The following ANKRD34C variants were observed in gnomAD, a reference collection of about 807,000 sequenced individuals.
The protein encoded by ANKRD34C is ankyrin repeat domain-containing protein 34C.
For synonymous variants in ANKRD34C, 260 were observed against 253.6 expected (o/e 1.03, Z -0.24); for missense variants, 563 against 653.0 (o/e 0.86, Z 1.50).
rs553063888 is a variant in ANKRD34C at position 79,286,029 on chromosome 15, A to C, written c.-45+2801A>C. Reference sequence around the variant, plus strand: ...TAAAATAATCAAAGGACATCAGGACAATAATAGCAAACACTTGCATCTACT... The same window carrying C: ...TAAAATAATCAAAGGACATCAGGACCATAATAGCAAACACTTGCATCTACT... On this transcript the variant is annotated intron_variant, in intron 1 of 1. Transcript: ENST00000421388. 6.6e-5 allele frequency among the ~76,000 whole-genome samples: 10 copies of C among 152,356 alleles called. No homozygotes were observed. The South Asian group carries it at 1.4e-3, about 22-fold the overall frequency.
rs1596041515 is a variant in ANKRD34C, at chr15:79,296,250, C to A, written c.*1358C>A. 6.0e-6 allele frequency: 1 copy of A among 166,634 alleles called. No homozygotes were observed. The highest frequency in any genetic ancestry group is 1.5e-5 in the Non-Finnish European group (1 of 68,112). 10.3% of individuals were successfully genotyped at this position (166,634 alleles called of 1,614,324 possible). A position where few individuals can be genotyped will look rare whatever the true frequency, so the allele number is the denominator to read the frequency against. ...TACCAGCTGCGTGACCTTGAGGAGG[C>A]AGCTTAACTTCTCTTAGTCTCTGTT... On this transcript the variant is annotated 3_prime_UTR_variant, in exon 2 of 2. Coordinates refer to ENST00000421388, the MANE Select transcript of ANKRD34C (RefSeq NM_001146341.2).
rs1245018781 is a variant in ANKRD34C, at chr15:79,294,301, C to T, written c.1017C>T (p.Pro339=). The T allele has an allele frequency of 2.6e-6, 4 of 1,551,738 alleles. No homozygotes were observed. The South Asian group carries it at 3.6e-5, about 14-fold the overall frequency. ...CAGCCTATGAGAAAGGTCAGGCTCC[C>T]CACCCACGTCTGGCCAGGAGAGGAA... is the stretch of plus-strand genomic sequence containing the variant. ...WKAAYEKGQA[P]HPRLARRGTL... Residue 339 remains proline, a synonymous_variant, in exon 2 of 2, where the codon CCC becomes CCT. Coordinates refer to ENST00000421388, the MANE Select transcript of ANKRD34C (RefSeq NM_001146341.2).
chr15:79,287,476 G>A (rs1164817235), intron 1 of ANKRD34C, among the ~76,000 whole-genome samples: 1 of 152,154 alleles, frequency 6.6e-6, no homozygotes, highest in Admixed American at 6.5e-5. Context: ...AGCCATTCCT[G>A]AATTTTATAC....
chr15:79,297,188 C>A lies in ANKRD34C; in HGVS notation c.*2296C>A, dbSNP rs1043637759. The A allele has an allele frequency of 1.8e-5, 3 of 166,944 alleles. No individual in the cohort carries two copies. Among genetic ancestry groups the A allele is most frequent in the African/African-American group, 7.2e-5 (3 of 41,448 alleles). The allele number at this position is 166,944 out of a possible 1,614,324, so 10.3% of individuals were successfully genotyped here. On this transcript the variant is annotated 3_prime_UTR_variant, in exon 2 of 2. Coordinates refer to ENST00000421388, the MANE Select transcript of ANKRD34C (RefSeq NM_001146341.2). ...GTAGAAGTGATCCCAGGCAAAGAAA[C>A]AACTTTCCAATGCATTCAAGAGAGA...
chr15:79,291,854 T>C (rs2058660655), intron 1 of ANKRD34C, among the ~76,000 whole-genome samples: 1 of 152,152 alleles, frequency 6.6e-6, no homozygotes. Context: ...CCATGGTTAC[T>C]TCTGAAGAGG....
In ANKRD34C at chr15:79,294,095, G is replaced by A; in HGVS notation, c.811G>A (p.Glu271Lys). The change falls in exon 2 of 2, where the codon GAG (glutamate) becomes AAG (lysine). Residue 271 changes from glutamate to lysine, a missense_variant. Coordinates refer to ENST00000421388, the MANE Select transcript of ANKRD34C (RefSeq NM_001146341.2). ...GCTGGCAGCCTCGACGCGTCAGGAT[G>A]AGACCCATGGTGCCAGCACAGACAA... ...SVLAASTRQD[E>K]THGASTDNEV... 6.4e-7 allele frequency: 1 copy of A among 1,551,584 alleles called. No individual in the cohort carries two copies. Among genetic ancestry groups the A allele is most frequent in the Non-Finnish European group, 8.7e-7 (1 of 1,147,000 alleles).
intron 1 of ANKRD34C, among the ~76,000 whole-genome samples, chr15:79,285,443 C>T (rs1159880507): frequency 6.6e-6 from 1 of 152,132 alleles, no homozygotes; most frequent in Non-Finnish European, 1.5e-5. Flanking sequence ...GTGTTAGTTA[C>T]ATAATTTATA....
intron 1 of ANKRD34C, 77 bp from the exon 2 acceptor site, chr15:79,293,164 C>T (rs2058663822): frequency 8.9e-7 from 1 of 1,128,576 alleles, no homozygotes; most frequent in South Asian, 1.8e-5. Context: ...ATGACTGTAC[C>T]CAGACCCCGT....
intron 1 of ANKRD34C, among the ~76,000 whole-genome samples, chr15:79,284,571 G>C (rs1283350875): frequency 1.3e-5 from 2 of 152,168 alleles, no homozygotes; most frequent in Non-Finnish European, 2.9e-5. Context: ...AGAATTGGTG[G>C]TGAACACTTC....
intron 1 of ANKRD34C, among the ~76,000 whole-genome samples, chr15:79,288,117 G>C (rs2058649996): frequency 6.6e-6 from 1 of 152,214 alleles, no homozygotes; most frequent in Non-Finnish European, 1.5e-5. Flanking sequence ...TTTGGCTTCA[G>C]TTCCCTCATC....
Position 79,295,016 on chromosome 15 carries a change from G to T in ANKRD34C, c.*124G>T, listed in dbSNP as rs2058668985. The T allele has an allele frequency of 9.3e-7, 1 of 1,078,362 alleles. No individual in the cohort carries two copies. The highest frequency in any genetic ancestry group is 1.3e-6 in the Non-Finnish European group (1 of 770,068). The allele number at this position is 1,078,362 out of a possible 1,614,324, so 66.8% of individuals were successfully genotyped here. On this transcript the variant is annotated 3_prime_UTR_variant, in exon 2 of 2. Transcript: ENST00000421388. ...TCAGAAGATATAAAAGCAGGATGCT[G>T]CTTCACTTCTGAGAATAATCCCTGG...
intron 1 of ANKRD34C, among the ~76,000 whole-genome samples, chr15:79,286,989 T>C (rs2058647134): frequency 6.6e-6 from 1 of 152,216 alleles, no homozygotes; most frequent in East Asian, 1.9e-4. Flanking sequence ...TGTAATGACT[T>C]CCTCCTTTTG....
At position 79,293,667 on chromosome 15, in the gene ANKRD34C, A is replaced by G; in HGVS notation, c.383A>G (p.Asn128Ser). ...TGASALVYAI[N>S]ADDKDALKHL... ...GCTTCAGCTCTGGTTTATGCAATAA[A>G]TGCAGATGACAAGGATGCATTGAAG... The change falls in exon 2 of 2, where the codon AAT (asparagine) becomes AGT (serine). Residue 128 changes from asparagine (N) to serine (S), a missense_variant. Physicochemically the swap from Asn to Ser is conservative, Grantham distance 46. Coordinates refer to ENST00000421388, the MANE Select transcript of ANKRD34C (RefSeq NM_001146341.2). 1 of 1,551,708 alleles carries G rather than the reference A, an allele frequency of 6.4e-7. No individual in the cohort carries two copies. The highest frequency in any genetic ancestry group is 8.7e-7 in the Non-Finnish European group (1 of 1,146,990).
In ANKRD34C at chr15:79,290,302, G is replaced by A. The variant is rs908020344; in HGVS notation, c.-44-2939G>A. 3.3e-5 allele frequency among the ~76,000 whole-genome samples: 5 copies of A among 150,972 alleles called. No homozygotes were observed. In the Admixed American group the frequency reaches 3.3e-4, roughly 10 times the overall value. ...GGCTTCCCAAATTGCTGGGATTGCA[G>A]TTGTGAGCCATCATGCCCAGCCTAT... On this transcript the variant is annotated intron_variant, in intron 1 of 1. Transcript: ENST00000421388.
intron 1 of ANKRD34C, among the ~76,000 whole-genome samples, 129 bp from the exon 2 acceptor site, chr15:79,293,112 A>ATC (rs1372483716): frequency 6.6e-6 from 1 of 152,218 alleles, no homozygotes; most frequent in East Asian, 1.9e-4. Flanking sequence ...GCAATGTTAG[A>ATC]TAAGTTGGCC....
chr15:79,282,869 G>A lies in ANKRD34C; in HGVS notation c.-404G>A, dbSNP rs1247928854. ...ACACCCGCAGCGCGGAACCGGGGGC[G>A]ATTCCTATCTTTCTTTCATGCTTCT... On this transcript the variant is annotated 5_prime_UTR_variant, in exon 1 of 2. Coordinates refer to ENST00000421388, the MANE Select transcript of ANKRD34C (RefSeq NM_001146341.2). 6.6e-6 allele frequency among the ~76,000 whole-genome samples: 1 copy of A among 152,238 alleles called. No homozygotes were observed. The highest frequency in any genetic ancestry group is 1.5e-5 in the Non-Finnish European group (1 of 68,040).
intron 1 of ANKRD34C, among the ~76,000 whole-genome samples, 190 bp from the exon 2 acceptor site, chr15:79,293,051 A>G (rs922669515): frequency 6.6e-6 from 1 of 152,132 alleles, no homozygotes; most frequent in African/African-American, 2.4e-5. Flanking sequence ...GGTTACTACT[A>G]TCACCCCCCC....
rs759454162 is a variant in ANKRD34C at position 79,296,077 on chromosome 15, G to C, written c.*1185G>C. 2 of 166,960 alleles carry C rather than the reference G, an allele frequency of 1.2e-5. No homozygotes were observed. The highest frequency in any genetic ancestry group is 2.9e-5 in the Non-Finnish European group (2 of 68,094). The allele number at this position is 166,960 out of a possible 1,614,324, so 10.3% of individuals were successfully genotyped here. A position where few individuals can be genotyped will look rare whatever the true frequency, so the allele number is the denominator to read the frequency against. On this transcript the variant is annotated 3_prime_UTR_variant, in exon 2 of 2. Coordinates refer to ENST00000421388, the MANE Select transcript of ANKRD34C (RefSeq NM_001146341.2). Reference sequence around the variant, plus strand: ...CCACATCTTAGATGAATATATTTTTGGTTATTTCCATTTATGTTTCCTCTC... The same window carrying C: ...CCACATCTTAGATGAATATATTTTTCGTTATTTCCATTTATGTTTCCTCTC...
At position 79,295,930 on chromosome 15, in the gene ANKRD34C, T is replaced by G. The variant is rs970585055; in HGVS notation, c.*1038T>G. The G allele has an allele frequency of 1.2e-5, 2 of 167,062 alleles. No homozygotes were observed. The highest frequency in any genetic ancestry group is 2.9e-5 in the Non-Finnish European group (2 of 68,114). 10.3% of individuals were successfully genotyped at this position (167,062 alleles called of 1,614,324 possible). ...AATAATTGAAGAAAAATCTGGTTTC[T>G]TCTCTTCCTGATCTATCTAGGTGAG... On this transcript the variant is annotated 3_prime_UTR_variant, in exon 2 of 2. Transcript: ENST00000421388.
Sources: gnomAD v4.1 joint callset for allele counts (sites outside exome capture counted in the v4.1 genomes callset) on GRCh38, gnomAD v4.1.1 for gene constraint, MANE v1.5 for transcripts, NCBI Gene and HGNC (gene_info 2026-07-23, HGNC 2026-07-21) for gene names.